TXNRD1: variants seen among roughly 807,000 people sequenced by gnomAD.
TXNRD1 encodes thioredoxin reductase 1, cytoplasmic.
A neutral mutation model predicts 80.3 loss-of-function variants in TXNRD1; 57 were observed. That is an observed-to-expected ratio of 0.71 (90% CI 0.57 to 0.89). The LOEUF (loss-of-function observed/expected upper bound fraction) is 0.89, where lower values mean the gene tolerates loss of function less well. Ranked by LOEUF, TXNRD1 falls within the 40% of genes least tolerant of loss-of-function variation. TXNRD1 has a pLI of 0.00. For synonymous variants in TXNRD1, 291 were observed against 285.2 expected, an observed-to-expected ratio of 1.02 and a Z score of -0.20; for missense variants, 730 against 803.0, an observed-to-expected ratio of 0.91 and a Z score of 1.10.
rs752246417 is a variant in TXNRD1 at position 104,318,950 on chromosome 12, G to T, written c.768G>T (p.Gln256His). The change falls in exon 8 of 17, where the codon CAG (glutamine) becomes CAT (histidine). Residue 256 changes from glutamine (Q) to histidine (H), a missense_variant. Transcript: ENST00000525566. ...HDWDRMIEAV[Q>H]NHIGSLNWGY... Reference sequence around the variant, plus strand: ...GGGACAGAATGATAGAAGCTGTACAGAATCACATTGGCTCTTTGAATTGGG... The same window carrying T: ...GGGACAGAATGATAGAAGCTGTACATAATCACATTGGCTCTTTGAATTGGG... The T allele has an allele frequency of 1.2e-6, 2 of 1,613,914 alleles. No homozygotes were observed. Among genetic ancestry groups the T allele is most frequent in the East Asian group, 2.2e-5 (1 of 44,860 alleles).
intron 3 of TXNRD1, among the ~76,000 whole-genome samples, chr12:104,263,252 A>G (rs1464732556): frequency 6.6e-6 from 1 of 152,358 alleles, no homozygotes; most frequent in African/African-American, 2.4e-5. Flanking sequence ...ATGAGGAAAT[A>G]AAAACATAGT....
At chr12:104,321,052 C>G (rs1392081979) in intron 9 of TXNRD1, 39 bp from the exon 10 acceptor site, 1 of 1,409,734 alleles carries the variant, frequency 7.1e-7, no homozygotes, top group Non-Finnish European at 9.8e-7. Context: ...TAGGAACTTT[C>G]TTTTTCTTCT....
At chr12:104,229,714 T>C (rs1593685700) in intron 1 of TXNRD1, among the ~76,000 whole-genome samples, 2 of 151,924 alleles carry the variant, frequency 1.3e-5, no homozygotes, top group East Asian at 1.9e-4. Context: ...TGCCTCAGCC[T>C]CCTGAGTAGC....
intron 1 of TXNRD1, among the ~76,000 whole-genome samples, chr12:104,247,670 C>A (rs915903623): frequency 6.6e-6 from 1 of 152,120 alleles, no homozygotes; most frequent in Admixed American, 6.6e-5. Flanking sequence ...GGTAAACAGT[C>A]TCTCCCCAGT....
In TXNRD1 at chr12:104,283,975, T is replaced by G. The variant is rs77861984; in HGVS notation, c.305-4956T>G. On this transcript the variant is annotated intron_variant, in intron 3 of 16. Coordinates refer to ENST00000525566, the MANE Select transcript of TXNRD1 (RefSeq NM_001093771.3). ...ACTCCTGACTTCACTACCTACCACT[T>G]TTTTTCTCATCAGGAAATAATAAGA... Among the ~76,000 whole-genome samples, 917 of 152,298 alleles carry G rather than the reference T, an allele frequency of 6.0e-3. 1 individual carries two copies. Among genetic ancestry groups the G allele is most frequent in the South Asian group, 7.9e-3 (38 of 4,820 alleles).
intron 1 of TXNRD1, among the ~76,000 whole-genome samples, chr12:104,225,211 T>G (rs2032445348): frequency 6.6e-6 from 1 of 152,230 alleles, no homozygotes; most frequent in Non-Finnish European, 1.5e-5. Context: ...ATGCTTATTA[T>G]GATCCAGGTA....
At chr12:104,255,495 A>G (rs975526055) in intron 2 of TXNRD1, among the ~76,000 whole-genome samples, 1 of 152,134 alleles carries the variant, frequency 6.6e-6, no homozygotes, top group Admixed American at 6.5e-5. Context: ...AGTTATTTGC[A>G]TGCTTATTTA....
chr12:104,306,406 G>A (rs182651258), intron 4 of TXNRD1, among the ~76,000 whole-genome samples: 1 of 152,286 alleles, frequency 6.6e-6, no homozygotes, highest in East Asian at 1.9e-4. Flanking sequence ...ATACCCATAA[G>A]CTTTCTTCCC....
intron 16 of TXNRD1, among the ~76,000 whole-genome samples, chr12:104,343,998 G>A (rs1593886999): frequency 6.6e-6 from 1 of 151,940 alleles, no homozygotes; most frequent in Non-Finnish European, 1.5e-5. Flanking sequence ...AGCTACTCAG[G>A]AGGCTGAGGC....
intron 1 of TXNRD1, among the ~76,000 whole-genome samples, chr12:104,220,054 A>G (rs1003903645): frequency 1.3e-5 from 2 of 152,176 alleles, no homozygotes; most frequent in Non-Finnish European, 2.9e-5. Flanking sequence ...AGAACACTGC[A>G]GTGAGGTGTT....
intron 3 of TXNRD1, among the ~76,000 whole-genome samples, chr12:104,259,511 G>A (rs1406986500): frequency 2.2e-5 from 3 of 136,524 alleles, no homozygotes; most frequent in African/African-American, 8.5e-5. Flanking sequence ...TTTTTTTTGA[G>A]ATGGAGTTTC....
chr12:104,321,551 G>A (rs539520386), intron 10 of TXNRD1, among the ~76,000 whole-genome samples: 5 of 151,920 alleles, frequency 3.3e-5, no homozygotes, highest in Non-Finnish European at 5.9e-5. Context: ...TCTAAATTTT[G>A]GTTTTCTTCT....
At chr12:104,313,146 A>T in intron 5 of TXNRD1, 99 bp from the exon 6 acceptor site, 1 of 869,520 alleles carries the variant, frequency 1.2e-6, no homozygotes, top group Non-Finnish European at 1.8e-6. Context: ...GTTATGCTTT[A>T]AGCTCTATAG....
At chr12:104,261,452 C>T (rs2033367250) in intron 3 of TXNRD1, among the ~76,000 whole-genome samples, 1 of 152,176 alleles carries the variant, frequency 6.6e-6, no homozygotes, top group Non-Finnish European at 1.5e-5. Flanking sequence ...CGTGAGCCAC[C>T]ATGCCCGTCC....
intron 3 of TXNRD1, among the ~76,000 whole-genome samples, chr12:104,281,661 C>T (rs1361186808): frequency 1.3e-5 from 2 of 152,064 alleles, no homozygotes; most frequent in African/African-American, 4.8e-5. Context: ...CCGCCTCAGC[C>T]TCCTGAAGTG....
intron 2 of TXNRD1, among the ~76,000 whole-genome samples, chr12:104,254,640 A>T (rs1379411543): frequency 5.6e-5 from 6 of 106,256 alleles, no homozygotes; most frequent in African/African-American, 3.1e-4. Flanking sequence ...GAAAAAAAAA[A>T]AAAAATATAT....
At chr12:104,323,100 CAG>C (rs2035599723) in intron 10 of TXNRD1, among the ~76,000 whole-genome samples, 1 of 119,624 alleles carries the variant, frequency 8.4e-6, no homozygotes, top group Non-Finnish European at 1.7e-5. Context: ...GCACATGTTT[CAG>C]AGAGCACAGG....
At chr12:104,310,842 G>T (rs991385489) in intron 4 of TXNRD1, among the ~76,000 whole-genome samples, 1 of 152,106 alleles carries the variant, frequency 6.6e-6, no homozygotes, top group South Asian at 2.1e-4. Context: ...GTTTTGTTCT[G>T]AATTTTTAGA....
intron 1 of TXNRD1, among the ~76,000 whole-genome samples, chr12:104,238,689 G>T (rs2032791079): frequency 2.0e-5 from 3 of 152,102 alleles, no homozygotes; most frequent in Admixed American, 2.0e-4. Context: ...TGCATTGATT[G>T]ATTCTCATAT....
Sources: allele counts gnomAD v4.1 joint callset (sites outside exome capture counted in the v4.1 genomes callset), GRCh38; gene constraint gnomAD v4.1.1; transcripts MANE v1.5; gene names NCBI Gene and HGNC (gene_info 2026-07-23, HGNC 2026-07-21).